DSCAML1: variants seen among roughly 807,000 people sequenced by gnomAD.
DSCAML1 encodes cell adhesion molecule DSCAML1.
Under a neutral mutation model 200.5 loss-of-function variants are expected in DSCAML1, and 38 were observed. The observed-to-expected ratio is 0.19, with a 90% CI of 0.15 to 0.25. DSCAML1 has a LOEUF of 0.25. DSCAML1 is among the 10% of genes least tolerant of loss of function. The pLI is 1.00. For missense variants in DSCAML1, 2,223 were observed against 2,858.8 expected, an observed-to-expected ratio of 0.78 and a Z score of 5.07; for synonymous variants, 1,215 against 1,165.0, an observed-to-expected ratio of 1.04 and a Z score of -0.87.
chr11:117,486,946 CAG>C (rs1171083964), intron 11 of DSCAML1, among the ~76,000 whole-genome samples: 3 of 72,008 alleles, frequency 4.2e-5, no homozygotes, highest in African/African-American at 4.9e-5. Context: ...TTTTTTGAGA[CAG>C]AGTCTTGCTC....
chr11:117,766,596 A>C (rs1220611975), intron 3 of DSCAML1, among the ~76,000 whole-genome samples: 1 of 152,216 alleles, frequency 6.6e-6, no homozygotes, highest in Non-Finnish European at 1.5e-5. Flanking sequence ...CAGAGGTGCC[A>C]ACTTAACCAA....
chr11:117,611,448 G>A (rs2051690978), intron 3 of DSCAML1: 1 of 152,174 alleles, frequency 6.6e-6, no homozygotes, highest in Non-Finnish European at 1.5e-5. Context: ...ATGCTCATGA[G>A]CTCTGCATGA....
chr11:117,459,031 G>T, intron 18 of DSCAML1, 122 bp from the exon 19 acceptor site: 5 of 1,283,762 alleles, frequency 3.9e-6, no homozygotes, highest in Non-Finnish European at 5.4e-6. Flanking sequence ...CTCCATGGTG[G>T]CGAGGACTAG....
intron 21 of DSCAML1, among the ~76,000 whole-genome samples, chr11:117,443,417 G>C (rs966909863): frequency 2.6e-5 from 4 of 152,254 alleles, no homozygotes; most frequent in African/African-American, 9.6e-5. Context: ...GCTCCGTAAA[G>C]GTCTGCGGAT....
At position 117,788,578 on chromosome 11, in the gene DSCAML1, C is replaced by T. The variant is rs748999628; in HGVS notation, c.47-7768G>A. Among the ~76,000 whole-genome samples, 76 of 152,338 alleles carry T rather than the reference C, an allele frequency of 5.0e-4. 1 individual carries two copies. The highest frequency in any genetic ancestry group is 6.8e-3 in the Middle Eastern group (2 of 294). Reference sequence around the variant, plus strand: ...CTGACCTCAAGTGATCCGCCTGCCTCGGCCTCCCAAACTGCTGGGATTACA... The same window carrying T: ...CTGACCTCAAGTGATCCGCCTGCCTTGGCCTCCCAAACTGCTGGGATTACA... On this transcript the variant is annotated intron_variant, in intron 1 of 32. Coordinates refer to ENST00000651296, the MANE Select transcript of DSCAML1 (RefSeq NM_020693.4).
At chr11:117,465,262 G>A in intron 16 of DSCAML1, 80 bp from the exon 17 acceptor site, 1 of 1,557,842 alleles carries the variant, frequency 6.4e-7, no homozygotes, top group South Asian at 1.2e-5. Flanking sequence ...GTCAGATCAT[G>A]TCACTCCTCT....
At chr11:117,719,939 CTG>C (rs911934098) in intron 3 of DSCAML1, among the ~76,000 whole-genome samples, 10 of 152,232 alleles carry the variant, frequency 6.6e-5, no homozygotes, top group African/African-American at 2.4e-4. Context: ...AAAGAGCTGA[CTG>C]TGCTTTGTGG....
chr11:117,768,678 T>C (rs1242461443), intron 3 of DSCAML1, among the ~76,000 whole-genome samples: 1 of 152,222 alleles, frequency 6.6e-6, no homozygotes, highest in African/African-American at 2.4e-5. Flanking sequence ...AAGGATTCTA[T>C]GTGCAATAGG....
chr11:117,742,824 T>C (rs2054445964), intron 3 of DSCAML1, among the ~76,000 whole-genome samples: 1 of 152,250 alleles, frequency 6.6e-6, no homozygotes, highest in Non-Finnish European at 1.5e-5. Context: ...GGGTGTGGTC[T>C]TGTCTCTGAG....
chr11:117,694,082 C>CAT (rs55662300), intron 3 of DSCAML1, among the ~76,000 whole-genome samples: 93,878 of 138,518 alleles, frequency 0.68, 34,405 homozygotes, highest in Non-Finnish European at 0.82. Context: ...TATATATACA[C>CAT]ATATATATAT....
intron 3 of DSCAML1, among the ~76,000 whole-genome samples, chr11:117,607,171 C>A (rs540670282): frequency 4.6e-5 from 7 of 152,212 alleles, no homozygotes; most frequent in Non-Finnish European, 1.0e-4. Context: ...TCGACCCCAG[C>A]GGTGGTAAGT....
intron 3 of DSCAML1, among the ~76,000 whole-genome samples, chr11:117,552,749 C>T (rs1391688786): frequency 6.6e-6 from 1 of 152,168 alleles, no homozygotes; most frequent in Non-Finnish European, 1.5e-5. Flanking sequence ...CTGGAGGCAA[C>T]AAGGCTGGAA....
At chr11:117,649,041 ATGTGTGTGTGTGTGTG>A (rs58257943) in intron 3 of DSCAML1, among the ~76,000 whole-genome samples, 6 of 137,846 alleles carry the variant, frequency 4.4e-5, no homozygotes, top group South Asian at 2.3e-4. Flanking sequence ...CTCCATATAT[ATGTGTGTGTGTGTGTG>A]TGTGTGTGTG....
At chr11:117,707,282 C>T (rs545682498) in intron 3 of DSCAML1, among the ~76,000 whole-genome samples, 1 of 152,328 alleles carries the variant, frequency 6.6e-6, no homozygotes, top group African/African-American at 2.4e-5. Flanking sequence ...GTACCACCTT[C>T]TGGAAGCCAG....
intron 1 of DSCAML1, among the ~76,000 whole-genome samples, chr11:117,789,388 A>AG (rs552768623): frequency 6.7e-4 from 102 of 152,298 alleles, no homozygotes; most frequent in African/African-American, 2.3e-3. Context: ...TTGTCCCCAG[A>AG]GAATCCTAGA....
chr11:117,434,050 G>A (rs1390481284), intron 27 of DSCAML1, among the ~76,000 whole-genome samples: 1 of 152,190 alleles, frequency 6.6e-6, no homozygotes, highest in East Asian at 1.9e-4. Flanking sequence ...TTGGAAGAGA[G>A]GAGAATTAAA....
At chr11:117,621,017 C>T (rs2051916749) in intron 3 of DSCAML1, among the ~76,000 whole-genome samples, 1 of 152,218 alleles carries the variant, frequency 6.6e-6, no homozygotes. Flanking sequence ...AGCAGAGATA[C>T]AAAAATCTCC....
At chr11:117,726,356 A>T (rs1432421148) in intron 3 of DSCAML1, among the ~76,000 whole-genome samples, 1 of 151,892 alleles carries the variant, frequency 6.6e-6, no homozygotes. Flanking sequence ...GTGTGGGGGA[A>T]GGGAGAGGAG....
At chr11:117,787,525 T>G (rs911746603) in intron 1 of DSCAML1, among the ~76,000 whole-genome samples, 5 of 152,174 alleles carry the variant, frequency 3.3e-5, no homozygotes, top group Non-Finnish European at 5.9e-5. Context: ...ATTCACCAAG[T>G]CTGTCATAGG....
Sources: allele counts gnomAD v4.1 joint callset (sites outside exome capture counted in the v4.1 genomes callset), GRCh38; gene constraint gnomAD v4.1.1; transcripts MANE v1.5; gene names NCBI Gene and HGNC (gene_info 2026-07-23, HGNC 2026-07-21).